TTLL3: variants seen among roughly 807,000 people sequenced by gnomAD.
The protein encoded by TTLL3 is tubulin monoglycylase TTLL3.
In TTLL3, 63 loss-of-function variants were observed where a neutral mutation model predicts 75.2. That is an observed-to-expected ratio of 0.84 (90% confidence interval 0.68 to 1.03). TTLL3 has a LOEUF of 1.03. Ranked by LOEUF, TTLL3 falls within the 50% of genes least tolerant of loss-of-function variation. The probability of loss-of-function intolerance (pLI) is 0.00; values close to 1 mark genes in which losing one functional copy is unlikely to be tolerated. For missense variants in TTLL3, 997 were observed against 1,069.9 expected (o/e 0.93, Z 0.95); for synonymous variants, 393 against 418.5 (o/e 0.94, Z 0.74).
In TTLL3 at chr3:9,827,359, A is replaced by C. The variant is rs551810774; in HGVS notation, c.1247+119A>C. On this transcript the variant is annotated intron_variant, in intron 10 of 13. Coordinates refer to ENST00000685419, the MANE Select transcript of TTLL3 (RefSeq NM_001387446.1). ...GCGCTAGGCTCCACACACAGACTGCAGGCAGGCAGGCCCTCATCCTGCCAG... is the reference window on the plus strand; with the variant it reads ...GCGCTAGGCTCCACACACAGACTGCCGGCAGGCAGGCCCTCATCCTGCCAG... 3.4e-4 allele frequency: 507 copies of C among 1,479,936 alleles called. 2 individuals carry two copies. In the Middle Eastern group the frequency reaches 5.2e-3, roughly 15 times the overall value. The allele number at this position is 1,479,936 out of a possible 1,614,324, so 91.7% of individuals were successfully genotyped here.
chr3:9,828,859 C>T (rs2081286940), intron 10 of TTLL3, 101 bp from the exon 11 acceptor site: 17 of 1,465,850 alleles, frequency 1.2e-5, no homozygotes, highest in East Asian at 2.3e-5. Context: ...TTGAATAGTG[C>T]AGGGTGGCCC....
At position 9,835,630 on chromosome 3, in the gene TTLL3, T is replaced by A; in HGVS notation, c.*141T>A. ...GCCTTCACTTTACAGATGAAGAAAC[T>A]GAGTCTGAAAGAGGAGGCATGGCTT... On this transcript the variant is annotated 3_prime_UTR_variant, in exon 14 of 14. Coordinates refer to ENST00000685419, the MANE Select transcript of TTLL3 (RefSeq NM_001387446.1). 1 of 845,076 alleles carries A rather than the reference T, an allele frequency of 1.2e-6. No homozygotes were observed. The highest frequency in any genetic ancestry group is 1.8e-6 in the Non-Finnish European group (1 of 561,118). The allele number at this position is 845,076 out of a possible 1,614,324, so 52.3% of individuals were successfully genotyped here.
rs1276075070 is a variant in TTLL3 at position 9,811,731 on chromosome 3, C to G, written c.48+1022C>G. Among the ~76,000 whole-genome samples, 3 of 152,218 alleles carry G rather than the reference C, an allele frequency of 2.0e-5. No individual in the cohort carries two copies. The East Asian group carries it at 5.8e-4, about 29-fold the overall frequency. On this transcript the variant is annotated intron_variant, in intron 2 of 13. Coordinates refer to ENST00000685419, the MANE Select transcript of TTLL3 (RefSeq NM_001387446.1). ...CTTCCACAGTCTGGCCACTGCCTAC[C>G]TCCTCTGGGGCTTTCCCCATCATTT...
intron 8 of TTLL3, among the ~76,000 whole-genome samples, chr3:9,824,058 G>A (rs1234578018): frequency 2.6e-5 from 4 of 152,234 alleles, no homozygotes; most frequent in African/African-American, 9.6e-5. Flanking sequence ...AGTGCCAGGT[G>A]TGGTGCTTGG....
chr3:9,828,815 C>G, intron 10 of TTLL3, 145 bp from the exon 11 acceptor site: 1 of 1,055,392 alleles, frequency 9.5e-7, no homozygotes, highest in South Asian at 1.7e-5. Flanking sequence ...GGCCTCTGTC[C>G]TTTTTGTCCT....
At chr3:9,824,737 CTTTTT>C (rs71052207) in intron 8 of TTLL3, among the ~76,000 whole-genome samples, 2 of 80,676 alleles carry the variant, frequency 2.5e-5, no homozygotes, top group African/African-American at 4.3e-5. Flanking sequence ...CTTTTCTTTT[CTTTTT>C]TTTTTTTTTT....
At chr3:9,830,343 T>TG (rs201713284) in intron 11 of TTLL3, among the ~76,000 whole-genome samples, 2,238 of 152,302 alleles carry the variant, frequency 0.015, 19 homozygotes, top group Non-Finnish European at 0.024. Flanking sequence ...AAAAAGAGAT[T>TG]GGAGTCTACT....
Position 9,812,978 on chromosome 3 carries a change from GGT to G in TTLL3, c.86_87del (p.Val29AspfsTer32), listed in dbSNP as rs1421108829. The G allele has an allele frequency of 3.3e-6, 5 of 1,532,198 alleles. No individual in the cohort carries two copies. Among genetic ancestry groups the G allele is most frequent in the Non-Finnish European group, 3.5e-6 (4 of 1,139,130 alleles). 94.9% of individuals were successfully genotyped at this position (1,532,198 alleles called of 1,614,324 possible). On this transcript the variant is annotated frameshift_variant, in exon 3 of 14. Coordinates refer to ENST00000685419, the MANE Select transcript of TTLL3 (RefSeq NM_001387446.1). LOFTEE classifies it high-confidence loss of function. ...TCTTTACAATCCAAGGCTGCTACCC[GGT>G]GATCCGGTGTCTCTTGCGCCGGAGG... is the stretch of plus-strand genomic sequence containing the variant. ...KIFTIQGCYP[V>X]IRCLLRRRGW...
At chr3:9,825,410 A>G in intron 8 of TTLL3, 1 of 272,920 alleles carries the variant, frequency 3.7e-6, no homozygotes, top group Non-Finnish European at 7.3e-6. Flanking sequence ...CCTTGAGGGC[A>G]TTCGTGAAAA....
At chr3:9,834,168 GTCAC>G (rs1181346748) in intron 12 of TTLL3, 1 of 304,764 alleles carries the variant, frequency 3.3e-6, no homozygotes, top group African/African-American at 2.2e-5. Flanking sequence ...CTCCAAAGTA[GTCAC>G]TCTGCCTCAC....
Position 9,817,756 on chromosome 3 carries a change from A to G in TTLL3, c.556A>G (p.Ile186Val). ...LGAEDDKKAF[I>V]EDFWLTAARN... is the part of the protein sequence containing the mutation. ...GGCTGAGGATGACAAAAAAGCCTTC[A>G]TAGGTAAGGAGACCCCCAGCCCTAT... The change falls in exon 6 of 14, where the codon ATA (isoleucine) becomes GTA (valine). Residue 186 changes from isoleucine (I) to valine (V), a missense_variant. Coordinates refer to ENST00000685419, the MANE Select transcript of TTLL3 (RefSeq NM_001387446.1). 6.2e-7 allele frequency: 1 copy of G among 1,614,164 alleles called. No individual in the cohort carries two copies. Among genetic ancestry groups the G allele is most frequent in the Non-Finnish European group, 8.5e-7 (1 of 1,180,000 alleles).
intron 12 of TTLL3, among the ~76,000 whole-genome samples, chr3:9,833,544 C>A (rs1043927960): frequency 3.3e-5 from 5 of 152,312 alleles, no homozygotes; most frequent in African/African-American, 1.2e-4. Flanking sequence ...TGGGTAAGAC[C>A]ATTCCCCCAA....
chr3:9,815,968 C>T (rs1229813006), intron 4 of TTLL3, 106 bp from the exon 5 acceptor site: 17 of 1,125,702 alleles, frequency 1.5e-5, no homozygotes, highest in Admixed American at 6.3e-5. Context: ...TGGAAGCATC[C>T]TCTCCTTCCT....
chr3:9,816,071 C>T lies in TTLL3; in HGVS notation c.316-3C>T, dbSNP rs754599315. The stretch of plus-strand genomic sequence containing the variant: ...GTGTTTCTGTCTCCTCCTGTCTCCC[C>T]AGTCCCGCATGGTCCAGAATGAGAT... On this transcript the variant is annotated splice_polypyrimidine_tract_variant and splice_region_variant and intron_variant, in intron 4 of 13. Transcript: ENST00000685419. 7.4e-7 allele frequency: 1 copy of T among 1,353,576 alleles called. No individual in the cohort carries two copies. Among genetic ancestry groups the T allele is most frequent in the Non-Finnish European group, 9.9e-7 (1 of 1,015,210 alleles). 83.8% of individuals were successfully genotyped at this position (1,353,576 alleles called of 1,614,324 possible). A position where few individuals can be genotyped will look rare whatever the true frequency, so the allele number is the denominator to read the frequency against.
Position 9,835,611 on chromosome 3 carries a change from A to G in TTLL3, c.*122A>G. The G allele has an allele frequency of 1.0e-6, 1 of 986,588 alleles. No individual in the cohort carries two copies. The highest frequency in any genetic ancestry group is 1.5e-6 in the Non-Finnish European group (1 of 680,236). The allele number at this position is 986,588 out of a possible 1,614,324, so 61.1% of individuals were successfully genotyped here. On this transcript the variant is annotated 3_prime_UTR_variant, in exon 14 of 14. Coordinates refer to ENST00000685419, the MANE Select transcript of TTLL3 (RefSeq NM_001387446.1). ...CCAGGGGTGGGGAGCGTGAGCCTTC[A>G]CTTTACAGATGAAGAAACTGAGTCT...
rs373138884 is a variant in TTLL3 at position 9,829,293 on chromosome 3, C to G, written c.1581C>G (p.Ala527=). The part of the protein sequence containing the change: ...PTMAPSTAVT[A]RLCAGVQADT... ...TGGCACCCTCCACAGCAGTCACTGC[C>G]CGGCTCTGTGCTGGCGTGCAAGCTG... is the stretch of plus-strand genomic sequence containing the variant. Residue 527 remains alanine (A), a synonymous_variant, in exon 11 of 14, where the codon GCC becomes GCG. Coordinates refer to ENST00000685419, the MANE Select transcript of TTLL3 (RefSeq NM_001387446.1). 1 of 1,614,004 alleles carries G rather than the reference C, an allele frequency of 6.2e-7. No individual in the cohort carries two copies. Among genetic ancestry groups the G allele is most frequent in the Non-Finnish European group, 8.5e-7 (1 of 1,180,046 alleles).
At position 9,826,989 on chromosome 3, in the gene TTLL3, C is replaced by G. The variant is rs1425681487; in HGVS notation, c.1004-8C>G. ...CTTCCAATCCCTGACTGCCCTCTTC[C>G]CCCGTAGGCATCATGTGCATGGACC... On this transcript the variant is annotated splice_polypyrimidine_tract_variant and splice_region_variant and intron_variant, in intron 9 of 13. Coordinates refer to ENST00000685419, the MANE Select transcript of TTLL3 (RefSeq NM_001387446.1). 1.2e-6 allele frequency: 2 copies of G among 1,614,020 alleles called. No homozygotes were observed. The highest frequency in any genetic ancestry group is 1.7e-6 in the Non-Finnish European group (2 of 1,180,016).
At position 9,816,103 on chromosome 3, in the gene TTLL3, C is replaced by T. The variant is rs1408684671; in HGVS notation, c.345C>T (p.Tyr115=). 1 of 1,352,648 alleles carries T rather than the reference C, an allele frequency of 7.4e-7. No homozygotes were observed. The highest frequency in any genetic ancestry group is 4.7e-5 in the East Asian group (1 of 21,470). The allele number at this position is 1,352,648 out of a possible 1,614,324, so 83.8% of individuals were successfully genotyped here. A position where few individuals can be genotyped will look rare whatever the true frequency, so the allele number is the denominator to read the frequency against. Residue 115 remains tyrosine (Y), a synonymous_variant, in exon 5 of 14, where the codon TAC becomes TAT. Coordinates refer to ENST00000685419, the MANE Select transcript of TTLL3 (RefSeq NM_001387446.1). Reference sequence around the variant, plus strand: ...GCATGGTCCAGAATGAGATCCCCTACTTCATCTGGACCACTCGGCGGGATG... The same window carrying T: ...GCATGGTCCAGAATGAGATCCCCTATTTCATCTGGACCACTCGGCGGGATG... ...MSRMVQNEIP[Y]FIWTTRRDVL... is the part of the protein sequence containing the mutation.
chr3:9,825,825 G>A lies in TTLL3; in HGVS notation c.880G>A (p.Asp294Asn), dbSNP rs751777696. Reference sequence around the variant, plus strand: ...CGAAGGGGCAGAACTCAGGCACCTCGACACTCAGGTCCAGCGCTGTGAGGA... The same window carrying A: ...CGAAGGGGCAGAACTCAGGCACCTCAACACTCAGGTCCAGCGCTGTGAGGA... ...VHEGAELRHL[D>N]TQVQRCEDIL... is the part of the protein sequence containing the mutation. The change falls in exon 9 of 14, where the codon GAC becomes AAC. Residue 294 changes from aspartate (D) to asparagine (N), a missense_variant. Physicochemically the swap from Asp to Asn is conservative, Grantham distance 23. Coordinates refer to ENST00000685419, the MANE Select transcript of TTLL3 (RefSeq NM_001387446.1). The A allele has an allele frequency of 1.2e-6, 2 of 1,614,086 alleles. No homozygotes were observed. The highest frequency in any genetic ancestry group is 1.1e-5 in the South Asian group (1 of 91,068).
Sources: gnomAD v4.1 joint callset for allele counts (sites outside exome capture counted in the v4.1 genomes callset) on GRCh38, gnomAD v4.1.1 for gene constraint, MANE v1.5 for transcripts, NCBI Gene and HGNC (gene_info 2026-07-23, HGNC 2026-07-21) for gene names.